The following CTNNA3 variants were observed in gnomAD, a reference collection of about 807,000 sequenced individuals.
CTNNA3 encodes the protein catenin alpha 3.
CTNNA3 carries 76 observed loss-of-function variants against 95.7 expected under a neutral mutation model. The ratio of observed to expected loss-of-function variants is 0.79; its 90% CI spans 0.66 to 0.96. CTNNA3 has a LOEUF of 0.96. CTNNA3 is among the 40% of genes least tolerant of loss of function. CTNNA3 has a pLI of 0.00. For synonymous variants in CTNNA3, 431 were observed against 374.4 expected (o/e 1.15, Z -1.74); for missense variants, 1,191 against 1,089.8 (o/e 1.09, Z -1.31).
chr10:67,619,203 A>C (rs1238575223), intron 2 of CTNNA3, among the ~76,000 whole-genome samples: 1 of 152,202 alleles, frequency 6.6e-6, no homozygotes. Context: ...ATCATACTAC[A>C]TGACTTCAAA....
At chr10:66,457,816 C>T (rs2093504770) in intron 11 of CTNNA3, among the ~76,000 whole-genome samples, 1 of 152,064 alleles carries the variant, frequency 6.6e-6, no homozygotes, top group Non-Finnish European at 1.5e-5. Flanking sequence ...GATCCAATTG[C>T]ATCTTGCAGA....
At chr10:67,114,909 G>A (rs1859093416) in intron 7 of CTNNA3, among the ~76,000 whole-genome samples, 1 of 151,968 alleles carries the variant, frequency 6.6e-6, no homozygotes. Context: ...TGCAGCTTTG[G>A]GTCAACCCTG....
intron 5 of CTNNA3, among the ~76,000 whole-genome samples, chr10:67,517,294 A>G (rs953102935): frequency 6.6e-6 from 1 of 152,136 alleles, no homozygotes; most frequent in East Asian, 1.9e-4. Flanking sequence ...TAGGATGGCT[A>G]TCATGAAAAA....
At chr10:66,378,695 T>C (rs920104666) in intron 12 of CTNNA3, among the ~76,000 whole-genome samples, 2 of 152,176 alleles carry the variant, frequency 1.3e-5, no homozygotes, top group African/African-American at 4.8e-5. Flanking sequence ...CAAGAACAAA[T>C]TGCTGTTTTG....
At chr10:66,419,244 AAG>A (rs1308950080) in intron 11 of CTNNA3, among the ~76,000 whole-genome samples, 1 of 151,970 alleles carries the variant, frequency 6.6e-6, no homozygotes, top group African/African-American at 2.4e-5. Flanking sequence ...TAGCAAAAAA[AAG>A]AAAAAGCAAA....
intron 7 of CTNNA3, among the ~76,000 whole-genome samples, chr10:66,905,290 T>C (rs1436810753): frequency 6.6e-6 from 1 of 152,114 alleles, no homozygotes; most frequent in African/African-American, 2.4e-5. Context: ...AAACACCACA[T>C]GTTCTCACTC....
At chr10:67,389,226 C>A (rs537154752) in intron 5 of CTNNA3, among the ~76,000 whole-genome samples, 11 of 151,590 alleles carry the variant, frequency 7.3e-5, no homozygotes, top group Admixed American at 1.3e-4. Flanking sequence ...ATCTACCAAG[C>A]AAATGGAAAA....
chr10:66,238,657 T>C (rs2089973075), intron 13 of CTNNA3, among the ~76,000 whole-genome samples: 1 of 148,802 alleles, frequency 6.7e-6, no homozygotes, highest in South Asian at 2.2e-4. Context: ...TCTGATCCCA[T>C]TTTGGAATAC....
intron 7 of CTNNA3, among the ~76,000 whole-genome samples, chr10:66,776,102 T>G (rs1046835907): frequency 2.6e-5 from 4 of 152,184 alleles, no homozygotes; most frequent in African/African-American, 9.7e-5. Flanking sequence ...TGCAACACCT[T>G]TTTATTCTTT....
intron 10 of CTNNA3, among the ~76,000 whole-genome samples, chr10:66,583,589 A>T (rs570106365): frequency 6.6e-6 from 1 of 151,696 alleles, no homozygotes; most frequent in East Asian, 1.9e-4. Flanking sequence ...CTTGGTTTTA[A>T]TCTACCTAGT....
chr10:66,554,232 T>C (rs1842322071), intron 10 of CTNNA3, among the ~76,000 whole-genome samples: 1 of 152,300 alleles, frequency 6.6e-6, no homozygotes, highest in Non-Finnish European at 1.5e-5. Flanking sequence ...CAGCTTCCCA[T>C]TGTTTTTGTT....
chr10:67,122,095 G>GA (rs959274798), intron 7 of CTNNA3, among the ~76,000 whole-genome samples: 1 of 151,528 alleles, frequency 6.6e-6, no homozygotes, highest in Admixed American at 6.6e-5. Flanking sequence ...TTGGGATGAG[G>GA]ATGAGTTCTA....
At chr10:66,097,652 C>T (rs1419532225) in intron 14 of CTNNA3, among the ~76,000 whole-genome samples, 1 of 152,072 alleles carries the variant, frequency 6.6e-6, no homozygotes, top group African/African-American at 2.4e-5. Context: ...GTCATTTGCT[C>T]ACCTATTCTA....
intron 9 of CTNNA3, among the ~76,000 whole-genome samples, chr10:66,633,055 G>T (rs964349244): frequency 1.3e-5 from 2 of 152,104 alleles, no homozygotes; most frequent in African/African-American, 4.8e-5. Flanking sequence ...ATACTGCTGA[G>T]AATATGGGGA....
At chr10:66,197,382 C>CT (rs59865557) in intron 13 of CTNNA3, among the ~76,000 whole-genome samples, 2 of 145,014 alleles carry the variant, frequency 1.4e-5, no homozygotes, top group Non-Finnish European at 1.5e-5. Flanking sequence ...ATCTATCTAT[C>CT]ATCTATCTAT....
chr10:67,157,219 C>T lies in CTNNA3; in HGVS notation c.1047+23098G>A, dbSNP rs569917746. On this transcript the variant is annotated intron_variant, in intron 7 of 17. Coordinates refer to ENST00000433211, the MANE Select transcript of CTNNA3 (RefSeq NM_013266.4). ...ATTATAAAGACTACACACATGCAAACACACACACACACAAATACACCAATG... is the reference window on the plus strand; with the variant it reads ...ATTATAAAGACTACACACATGCAAATACACACACACACAAATACACCAATG... 2.2e-4 allele frequency among the ~76,000 whole-genome samples: 33 copies of T among 151,934 alleles called. No individual in the cohort carries two copies. In the South Asian group the frequency reaches 6.8e-3, roughly 32 times the overall value.
intron 1 of CTNNA3, among the ~76,000 whole-genome samples, chr10:67,675,397 C>A (rs748210453): frequency 1.3e-5 from 2 of 152,070 alleles, no homozygotes; most frequent in Non-Finnish European, 2.9e-5. Flanking sequence ...CTTAGCTTGC[C>A]CCAGGCTATA....
chr10:67,408,650 C>T (rs1845239477), intron 5 of CTNNA3, among the ~76,000 whole-genome samples: 1 of 152,012 alleles, frequency 6.6e-6, no homozygotes, highest in Non-Finnish European at 1.5e-5. Flanking sequence ...AAAACCTAGG[C>T]AGTACTATTC....
At chr10:66,876,224 C>T (rs775026320) in intron 7 of CTNNA3, among the ~76,000 whole-genome samples, 2 of 151,936 alleles carry the variant, frequency 1.3e-5, no homozygotes, top group African/African-American at 2.4e-5. Context: ...GAAAACTTGT[C>T]GGAAAAGAAA....
Sources: allele counts gnomAD v4.1 joint callset (sites outside exome capture counted in the v4.1 genomes callset), GRCh38; gene constraint gnomAD v4.1.1; transcripts MANE v1.5; gene names NCBI Gene and HGNC (gene_info 2026-07-23, HGNC 2026-07-21).